Variants in GLCCI1 observed in about 807,000 individuals in gnomAD.
GLCCI1 encodes glucocorticoid-induced transcript 1 protein.
Under a neutral mutation model 52.2 loss-of-function variants are expected in GLCCI1, and 24 were observed. That is an observed-to-expected ratio of 0.46 (90% confidence interval 0.33 to 0.65). The LOEUF (loss-of-function observed/expected upper bound fraction) is 0.65. GLCCI1 is among the 30% of genes least tolerant of loss of function. The pLI is 0.02. For synonymous variants in GLCCI1, 310 were observed against 276.5 expected (o/e 1.12, Z -1.20); for missense variants, 704 against 701.5 (o/e 1.00, Z -0.04).
intron 1 of GLCCI1, among the ~76,000 whole-genome samples, chr7:8,001,740 T>G (rs912089686): frequency 9.9e-5 from 15 of 152,184 alleles, no homozygotes; most frequent in African/African-American, 3.4e-4. Context: ...TAAGAAAATG[T>G]GGCATATATA....
chr7:7,994,244 ACT>A (rs574738483), intron 1 of GLCCI1, among the ~76,000 whole-genome samples: 2 of 152,206 alleles, frequency 1.3e-5, no homozygotes, highest in Admixed American at 1.3e-4. Flanking sequence ...ACAGAGTGAG[ACT>A]CTGTCTCAAA....
chr7:8,008,559 T>C (rs1023013617), intron 2 of GLCCI1, among the ~76,000 whole-genome samples: 2 of 151,994 alleles, frequency 1.3e-5, no homozygotes, highest in Non-Finnish European at 2.9e-5. Flanking sequence ...CCTCCCAGAG[T>C]GTTGGGATTA....
intron 5 of GLCCI1, among the ~76,000 whole-genome samples, chr7:8,068,811 C>T (rs1035023081): frequency 3.3e-5 from 5 of 152,186 alleles, no homozygotes; most frequent in African/African-American, 7.2e-5. Context: ...GTTGACTTTT[C>T]GGGATGTTTT....
Position 8,003,934 on chromosome 7 carries a change from C to G in GLCCI1, c.484C>G (p.Arg162Gly). Residue 162 changes from arginine to glycine, a missense_variant, in exon 2 of 8, where the codon CGG (arginine) becomes GGG (glycine). Around this residue, in one of 3 missense-constraint regions of GLCCI1, gnomAD observed 547 missense variants for 524.8 expected, o/e 1.04. Coordinates refer to ENST00000223145, the MANE Select transcript of GLCCI1 (RefSeq NM_138426.4). ...GGACAAGGCAAAATCTCAGCAAGTT[C>G]GGACCTCTAGTACAATAAGGCGAAC... ...RADKAKSQQV[R>G]TSSTIRRTSS... The G allele has an allele frequency of 6.2e-7, 1 of 1,611,816 alleles. No homozygotes were observed. The highest frequency in any genetic ancestry group is 1.3e-5 in the African/African-American group (1 of 74,934).
intron 1 of GLCCI1, among the ~76,000 whole-genome samples, chr7:7,999,156 A>T (rs1211119776): frequency 2.0e-5 from 3 of 151,962 alleles, no homozygotes; most frequent in Non-Finnish European, 4.4e-5. Context: ...AGAGCATGTG[A>T]TCTTTTTAAA....
chr7:8,027,394 G>A (rs540734490), intron 3 of GLCCI1, among the ~76,000 whole-genome samples: 17 of 152,152 alleles, frequency 1.1e-4, no homozygotes, highest in African/African-American at 1.7e-4. Context: ...AGGCTGAGGC[G>A]CAAGAATCGC....
At chr7:7,974,249 G>T (rs1780419265) in intron 1 of GLCCI1, among the ~76,000 whole-genome samples, 1 of 152,054 alleles carries the variant, frequency 6.6e-6, no homozygotes, top group Admixed American at 6.6e-5. Flanking sequence ...ATAGATAAAT[G>T]AATTTATAGT....
chr7:8,011,925 C>T (rs1221025680), intron 2 of GLCCI1, among the ~76,000 whole-genome samples: 1 of 152,088 alleles, frequency 6.6e-6, no homozygotes, highest in Non-Finnish European at 1.5e-5. Flanking sequence ...ACGCCATTCT[C>T]CTGCCTCAGC....
At chr7:8,068,573 G>A (rs1782684788) in intron 5 of GLCCI1, among the ~76,000 whole-genome samples, 1 of 152,104 alleles carries the variant, frequency 6.6e-6, no homozygotes, top group African/African-American at 2.4e-5. Context: ...TCCTTGGATT[G>A]GGTTTTTGCT....
intron 1 of GLCCI1, among the ~76,000 whole-genome samples, chr7:7,999,440 C>T (rs887708758): frequency 6.6e-6 from 1 of 151,650 alleles, no homozygotes; most frequent in African/African-American, 2.4e-5. Flanking sequence ...AGACCCCATC[C>T]CCATAAAAAA....
chr7:8,019,394 AT>A (rs1025594685), intron 2 of GLCCI1, among the ~76,000 whole-genome samples: 18 of 152,150 alleles, frequency 1.2e-4, no homozygotes, highest in Non-Finnish European at 2.4e-4. Context: ...GTAGATGAGA[AT>A]TTTTTTATAC....
At chr7:8,025,327 G>A (rs189536865) in intron 3 of GLCCI1, among the ~76,000 whole-genome samples, 1 of 151,884 alleles carries the variant, frequency 6.6e-6, no homozygotes, top group Non-Finnish European at 1.5e-5. Flanking sequence ...GTGACAGAGC[G>A]AGACTCCATC....
At chr7:8,044,643 T>G (rs901118858) in intron 3 of GLCCI1, among the ~76,000 whole-genome samples, 12 of 152,226 alleles carry the variant, frequency 7.9e-5, no homozygotes, top group Non-Finnish European at 1.6e-4. Context: ...AGTGCTAAAA[T>G]TACAGGTGTG....
chr7:8,051,391 A>G (rs532544744), intron 3 of GLCCI1, among the ~76,000 whole-genome samples: 12 of 152,322 alleles, frequency 7.9e-5, no homozygotes, highest in Admixed American at 2.6e-4. Flanking sequence ...ACTATTTCCT[A>G]CTAAGAACCT....
At chr7:8,076,718 T>A (rs1450797775) in intron 6 of GLCCI1, among the ~76,000 whole-genome samples, 2 of 152,178 alleles carry the variant, frequency 1.3e-5, no homozygotes, top group Non-Finnish European at 2.9e-5. Flanking sequence ...TTTCACTTAA[T>A]TGTTTGTCTA....
chr7:8,057,591 T>C (rs775907762), intron 4 of GLCCI1, among the ~76,000 whole-genome samples: 10 of 152,078 alleles, frequency 6.6e-5, no homozygotes, highest in Non-Finnish European at 1.5e-4. Context: ...AAAGTGACTA[T>C]ACTAACAAAG....
chr7:8,074,311 A>G (rs1782827951), intron 6 of GLCCI1, among the ~76,000 whole-genome samples: 1 of 152,184 alleles, frequency 6.6e-6, no homozygotes, highest in Non-Finnish European at 1.5e-5. Context: ...GAAATTTTAC[A>G]ATTTCTGGAA....
At chr7:7,971,873 GC>G (rs1390847198) in intron 1 of GLCCI1, among the ~76,000 whole-genome samples, 1 of 152,222 alleles carries the variant, frequency 6.6e-6, no homozygotes, top group Admixed American at 6.5e-5. Flanking sequence ...TGTTGGGAAT[GC>G]AAGGGCTTTC....
At position 7,976,518 on chromosome 7, in the gene GLCCI1, A is replaced by AAAAAAAAAAAAAAG. The variant is rs1562413261; in HGVS notation, c.457+6711_457+6712insAAAAAAAAAAAAAG. On this transcript the variant is annotated intron_variant, in intron 1 of 7. Transcript: ENST00000223145. ...AAAAAAGGAAAGGAAAAAGGAAAGG[A>AAAAAAAAAAAAAAG]GAAAGGAAAAAGGAAATAAAAGAAA... Among the ~76,000 whole-genome samples, 5 of 140,978 alleles carry AAAAAAAAAAAAAAG rather than the reference A, an allele frequency of 3.5e-5. 1 individual carries two copies. Among genetic ancestry groups the AAAAAAAAAAAAAAG allele is most frequent in the East Asian group, 2.1e-4 (1 of 4,680 alleles). 92.5% of individuals were successfully genotyped at this position (140,978 alleles called of 152,430 possible). A position where few individuals can be genotyped will look rare whatever the true frequency, so the allele number is the denominator to read the frequency against.
Sources: allele counts gnomAD v4.1 joint callset (sites outside exome capture counted in the v4.1 genomes callset), GRCh38; gene constraint gnomAD v4.1.1; regional missense constraint gnomAD v4.1.1; transcripts MANE v1.5; gene names NCBI Gene and HGNC (gene_info 2026-07-23, HGNC 2026-07-21).